DOCK1: variants seen among roughly 807,000 people sequenced by gnomAD.
The protein encoded by DOCK1 is dedicator of cytokinesis 1.
In DOCK1, 138 loss-of-function variants were observed where a neutral mutation model predicts 262.7. The ratio of observed to expected loss-of-function variants is 0.53; its 90% confidence interval spans 0.46 to 0.61. The LOEUF (loss-of-function observed/expected upper bound fraction) is 0.61. Among genes scored for constraint, DOCK1 ranks in the 20% least tolerant of loss-of-function variants. DOCK1 has a pLI of 0.00. For synonymous variants in DOCK1, 866 were observed against 867.4 expected (o/e 1.00, Z 0.03); for missense variants, 1,908 against 2,370.7 (o/e 0.80, Z 4.05).
intron 23 of DOCK1, among the ~76,000 whole-genome samples, chr10:127,090,647 A>C (rs1007697097): frequency 6.6e-6 from 1 of 152,148 alleles, no homozygotes; most frequent in South Asian, 2.1e-4. Flanking sequence ...CAGCCGTTAC[A>C]GTCACTCTGT....
Position 127,175,174 on chromosome 10 carries a change from C to T in DOCK1, c.2847+47410C>T. 2 of 1,540,030 alleles carry T rather than the reference C, an allele frequency of 1.3e-6. No individual in the cohort carries two copies. Among genetic ancestry groups the T allele is most frequent in the South Asian group, 1.2e-5 (1 of 82,158 alleles). ...TACAGATGGACTCTGTGGTGATCAG[C>T]CTGCATAGCTTCCTAAGACATGGGT... On this transcript the variant is annotated intron_variant, in intron 27 of 51. Coordinates refer to ENST00000623213, the MANE Select transcript of DOCK1 (RefSeq NM_001290223.2). The surrounding 1 kb of genome is among the most constrained non-coding windows in gnomAD (Gnocchi z 6.3).
chr10:127,428,685 G>A (rs1213724100), intron 47 of DOCK1, among the ~76,000 whole-genome samples: 2 of 150,520 alleles, frequency 1.3e-5, no homozygotes, highest in Non-Finnish European at 3.0e-5. Context: ...GGGGTACCGT[G>A]TGGATTGTGG....
chr10:127,215,118 T>C (rs984952934), intron 27 of DOCK1, among the ~76,000 whole-genome samples: 1 of 152,130 alleles, frequency 6.6e-6, no homozygotes, highest in Non-Finnish European at 1.5e-5. Context: ...CCTGCCTCCC[T>C]TCCTGCCTCG....
In DOCK1 at chr10:127,405,545, G is replaced by A. The variant is rs141203383; in HGVS notation, c.4122+1116G>A. 8.6e-5 allele frequency among the ~76,000 whole-genome samples: 13 copies of A among 151,404 alleles called. No individual in the cohort carries two copies. In the East Asian group the frequency reaches 2.0e-3, roughly 23 times the overall value. On this transcript the variant is annotated intron_variant, in intron 40 of 51. Coordinates refer to ENST00000623213, the MANE Select transcript of DOCK1 (RefSeq NM_001290223.2). ...GAAGCTCTGTGTCTTGAGCACAGCC[G>A]TCTGGGGCAGTTGAAACCAGTTGGG...
intron 27 of DOCK1, 83 bp downstream of exon 27, chr10:127,127,847 T>C: frequency 1.7e-6 from 2 of 1,200,086 alleles, no homozygotes; most frequent in African/African-American, 2.9e-5. Context: ...CATAGCTTAT[T>C]ATACTGCAAT....
intron 1 of DOCK1, among the ~76,000 whole-genome samples, chr10:126,935,430 G>A (rs2034499641): frequency 6.6e-6 from 1 of 152,202 alleles, no homozygotes; most frequent in Admixed American, 6.5e-5. Flanking sequence ...GAGGGCCTGG[G>A]AGATGCAGAT....
chr10:127,358,609 C>A (rs911199049), intron 32 of DOCK1, among the ~76,000 whole-genome samples: 1 of 152,142 alleles, frequency 6.6e-6, no homozygotes, highest in African/African-American at 2.4e-5. Flanking sequence ...CTTTATCCAC[C>A]GCGTTGGGTT....
chr10:127,401,259 G>A (rs371270022), intron 38 of DOCK1, among the ~76,000 whole-genome samples: 7 of 152,228 alleles, frequency 4.6e-5, no homozygotes, highest in South Asian at 4.2e-4. Context: ...CCCACGTGGC[G>A]GTGTTACTGG....
intron 32 of DOCK1, among the ~76,000 whole-genome samples, chr10:127,361,124 T>G (rs1380229708): frequency 7.0e-6 from 1 of 143,320 alleles, no homozygotes; most frequent in Admixed American, 6.9e-5. Flanking sequence ...TTTTTTTTTT[T>G]TTTTTTTGAG....
At chr10:127,318,192 C>T (rs1274265899) in intron 29 of DOCK1, among the ~76,000 whole-genome samples, 1 of 152,172 alleles carries the variant, frequency 6.6e-6, no homozygotes, top group East Asian at 1.9e-4. Flanking sequence ...TTTCCCTATT[C>T]GGTGTGCATT....
At chr10:127,413,851 T>C (rs2067998754) in intron 43 of DOCK1, among the ~76,000 whole-genome samples, 1 of 152,214 alleles carries the variant, frequency 6.6e-6, no homozygotes, top group Non-Finnish European at 1.5e-5. Flanking sequence ...CTCCTTCCCT[T>C]TCCTCCTATG....
At chr10:126,955,556 T>G (rs992613248) in intron 1 of DOCK1, among the ~76,000 whole-genome samples, 33 of 152,296 alleles carry the variant, frequency 2.2e-4, no homozygotes, top group Non-Finnish European at 3.2e-4. Context: ...CACAAGGGTT[T>G]GGCCAGGTGT....
intron 27 of DOCK1, chr10:127,137,168 G>A (rs900832440): frequency 6.5e-6 from 1 of 152,682 alleles, no homozygotes; most frequent in African/African-American, 2.4e-5. Context: ...AAAATGAGCA[G>A]TAAACATGTC....
At chr10:127,235,977 A>G (rs2134624895) in intron 27 of DOCK1, among the ~76,000 whole-genome samples, 1 of 151,804 alleles carries the variant, frequency 6.6e-6, no homozygotes, top group East Asian at 1.9e-4. Flanking sequence ...TTTTCTTCTT[A>G]TTGGTTTTTG....
At chr10:127,017,058 C>CACACAT (rs1460031606) in intron 12 of DOCK1, among the ~76,000 whole-genome samples, 4 of 78,126 alleles carry the variant, frequency 5.1e-5, no homozygotes, top group African/African-American at 2.0e-4. Flanking sequence ...CACACACACA[C>CACACAT]AGATGCAGAC....
intron 23 of DOCK1, among the ~76,000 whole-genome samples, chr10:127,082,194 G>A (rs1051511005): frequency 6.6e-6 from 1 of 152,162 alleles, no homozygotes; most frequent in South Asian, 2.1e-4. Flanking sequence ...GGAAACAAAC[G>A]CTTTCCTTTC....
intron 1 of DOCK1, among the ~76,000 whole-genome samples, chr10:126,916,161 C>G (rs2032469037): frequency 6.6e-6 from 1 of 152,268 alleles, no homozygotes; most frequent in East Asian, 1.9e-4. Context: ...AGGCCCCTTA[C>G]CTGGAGTTAG....
intron 39 of DOCK1, 59 bp from the exon 40 acceptor site, chr10:127,404,266 C>A: frequency 6.9e-7 from 1 of 1,446,332 alleles, no homozygotes; most frequent in Non-Finnish European, 9.5e-7. Flanking sequence ...CAAGAAGAAT[C>A]CAGAGGCACA....
At chr10:127,382,114 A>C (rs1046897815) in intron 37 of DOCK1, among the ~76,000 whole-genome samples, 4 of 152,248 alleles carry the variant, frequency 2.6e-5, no homozygotes, top group Admixed American at 2.6e-4. Context: ...ATAAATAAGA[A>C]CAGTTACAAG....
Sources: gnomAD v4.1 joint callset for allele counts (sites outside exome capture counted in the v4.1 genomes callset) on GRCh38, gnomAD v4.1.1 for gene constraint, Gnocchi (gnomAD v3.1) non-coding constraint, MANE v1.5 for transcripts, NCBI Gene and HGNC (gene_info 2026-07-23, HGNC 2026-07-21) for gene names.